Variants in GALNT17 observed in about 807,000 individuals in gnomAD.
GALNT17 encodes polypeptide N-acetylgalactosaminyltransferase 17, also known as UDP-GalNAc:polypeptide N-acetylgalactosaminyltransferase-like 3.
GALNT17 carries 29 observed loss-of-function variants against 63.7 expected under a neutral mutation model. That is an observed-to-expected ratio of 0.46 (90% CI 0.34 to 0.62). GALNT17 has a LOEUF of 0.62. Ranked by LOEUF, GALNT17 falls within the 20% of genes least tolerant of loss-of-function variation. The pLI is 0.01. For missense variants in GALNT17, 603 were observed against 799.6 expected (o/e 0.75, Z 2.97); for synonymous variants, 305 against 318.3 (o/e 0.96, Z 0.45).
At chr7:71,212,315 A>C (rs1378256923) in intron 1 of GALNT17, among the ~76,000 whole-genome samples, 1 of 152,242 alleles carries the variant, frequency 6.6e-6, no homozygotes, top group African/African-American at 2.4e-5. Context: ...GGTGCACAGA[A>C]GTCAAGAATT....
At chr7:71,581,060 C>A (rs932653066) in intron 6 of GALNT17, among the ~76,000 whole-genome samples, 1 of 152,044 alleles carries the variant, frequency 6.6e-6, no homozygotes, top group Admixed American at 6.6e-5. Context: ...CCTCAGGAAA[C>A]GTACAATCAT....
chr7:71,658,540 A>G (rs1020073618), intron 6 of GALNT17, among the ~76,000 whole-genome samples: 1 of 151,734 alleles, frequency 6.6e-6, no homozygotes, highest in Non-Finnish European at 1.5e-5. Flanking sequence ...GTCATTCATA[A>G]CCCTCCTTCT....
intron 6 of GALNT17, among the ~76,000 whole-genome samples, chr7:71,651,153 A>G (rs1052004598): frequency 8.6e-5 from 12 of 138,804 alleles, no homozygotes; most frequent in African/African-American, 2.6e-4. Context: ...AGTGAGAGCT[A>G]GTAGATGTGA....
At chr7:71,448,651 G>A (rs1193903708) in intron 5 of GALNT17, among the ~76,000 whole-genome samples, 3 of 152,072 alleles carry the variant, frequency 2.0e-5, no homozygotes, top group African/African-American at 7.2e-5. Context: ...ATCTGAGACT[G>A]TGAATGTCAT....
chr7:71,363,949 T>G (rs1452074032), intron 2 of GALNT17, among the ~76,000 whole-genome samples: 6 of 152,222 alleles, frequency 3.9e-5, no homozygotes, highest in African/African-American at 1.4e-4. Context: ...GTCCACTATT[T>G]ATGGAGAAAC....
chr7:71,494,030 C>T (rs1045939789), intron 5 of GALNT17, among the ~76,000 whole-genome samples: 25 of 151,826 alleles, frequency 1.6e-4, no homozygotes, highest in African/African-American at 5.3e-4. Flanking sequence ...AAGAAATACC[C>T]GAGACTGGGT....
intron 6 of GALNT17, among the ~76,000 whole-genome samples, chr7:71,655,736 C>T (rs1164918372): frequency 1.3e-5 from 2 of 152,168 alleles, no homozygotes; most frequent in African/African-American, 2.4e-5. Flanking sequence ...CCACTGATTC[C>T]AGGCTAGGCT....
At chr7:71,237,331 G>A (rs1789911334) in intron 1 of GALNT17, among the ~76,000 whole-genome samples, 2 of 151,956 alleles carry the variant, frequency 1.3e-5, no homozygotes, top group South Asian at 4.2e-4. Context: ...AGAGAATTGG[G>A]GCTCAGAGGG....
chr7:71,650,978 T>A (rs2117022203), intron 6 of GALNT17, among the ~76,000 whole-genome samples: 1 of 152,168 alleles, frequency 6.6e-6, no homozygotes, highest in Middle Eastern at 3.4e-3. Flanking sequence ...TAGCACTGGA[T>A]TGAATAACTA....
chr7:71,284,894 T>C (rs1790844784), intron 1 of GALNT17, among the ~76,000 whole-genome samples: 1 of 152,248 alleles, frequency 6.6e-6, no homozygotes, highest in South Asian at 2.1e-4. Flanking sequence ...TTTTTTTTTT[T>C]TCTTCCATAA....
At chr7:71,496,790 G>T (rs1011265866) in intron 5 of GALNT17, among the ~76,000 whole-genome samples, 5 of 151,842 alleles carry the variant, frequency 3.3e-5, no homozygotes, top group African/African-American at 1.2e-4. Context: ...GTGGGGTGGG[G>T]AGCGGGGGGC....
intron 6 of GALNT17, among the ~76,000 whole-genome samples, chr7:71,594,270 A>G (rs1205175592): frequency 6.6e-6 from 1 of 152,056 alleles, no homozygotes; most frequent in Non-Finnish European, 1.5e-5. Context: ...AAGGTACTCA[A>G]AGTACCTAAA....
intron 1 of GALNT17, among the ~76,000 whole-genome samples, chr7:71,283,639 C>T (rs1790817132): frequency 6.6e-6 from 1 of 152,042 alleles, no homozygotes; most frequent in Admixed American, 6.6e-5. Flanking sequence ...TATTCTCCAC[C>T]TGTTGTGGGA....
chr7:71,548,851 T>C (rs1389883290), intron 5 of GALNT17, among the ~76,000 whole-genome samples: 5 of 152,242 alleles, frequency 3.3e-5, no homozygotes, highest in Admixed American at 2.0e-4. Context: ...CCTGTTTCCA[T>C]AGAGTCTTGT....
At chr7:71,167,477 A>T (rs1340137258) in intron 1 of GALNT17, among the ~76,000 whole-genome samples, 1 of 151,812 alleles carries the variant, frequency 6.6e-6, no homozygotes, top group African/African-American at 2.4e-5. Context: ...AGAGTTCTTT[A>T]TGTATTCTAG....
At chr7:71,153,341 T>C (rs1244974308) in intron 1 of GALNT17, among the ~76,000 whole-genome samples, 1 of 152,198 alleles carries the variant, frequency 6.6e-6, no homozygotes, top group Non-Finnish European at 1.5e-5. Context: ...AATGATGTTA[T>C]TGACATCGCC....
In GALNT17 at chr7:71,441,027, T is replaced by C. The variant is rs1031121165; in HGVS notation, c.962+19922T>C. Among the ~76,000 whole-genome samples, 4 of 151,012 alleles carry C rather than the reference T, an allele frequency of 2.6e-5. No individual in the cohort carries two copies. In the South Asian group the frequency reaches 8.3e-4, roughly 31 times the overall value. On this transcript the variant is annotated intron_variant, in intron 5 of 10. Coordinates refer to ENST00000333538, the MANE Select transcript of GALNT17 (RefSeq NM_022479.3). ...GTTTTTTTGTTGTTGTTCTTTTTTT[T>C]TTGGTTTTTTTTTGGAGATGGATTC...
At chr7:71,319,118 C>CTTTCTTTCTTTCTTTCTTTCTT (rs1343983858) in intron 1 of GALNT17, among the ~76,000 whole-genome samples, 3 of 151,594 alleles carry the variant, frequency 2.0e-5, no homozygotes, top group Non-Finnish European at 4.4e-5. Flanking sequence ...TTCTTTCTTT[C>CTTTCTTTCTTTCTTTCTTTCTT]TTTCTTTTTT....
At chr7:71,178,800 A>G (rs986924290) in intron 1 of GALNT17, among the ~76,000 whole-genome samples, 2 of 152,172 alleles carry the variant, frequency 1.3e-5, no homozygotes, top group African/African-American at 2.4e-5. Context: ...TCTTGGACGT[A>G]TGTATAATAG....
Sources: gnomAD v4.1 joint callset for allele counts (sites outside exome capture counted in the v4.1 genomes callset) on GRCh38, gnomAD v4.1.1 for gene constraint, MANE v1.5 for transcripts, NCBI Gene and HGNC (gene_info 2026-07-23, HGNC 2026-07-21) for gene names.